STAB2: variants seen among roughly 807,000 people sequenced by gnomAD.
STAB2 encodes stabilin-2.
A neutral mutation model predicts 338.1 loss-of-function variants in STAB2; 288 were observed. That is an observed-to-expected ratio of 0.85 (90% CI 0.77 to 0.94). STAB2 has a LOEUF of 0.94. Ranked by LOEUF, STAB2 falls within the 40% of genes least tolerant of loss-of-function variation. The pLI, the probability that STAB2 is intolerant of heterozygous loss-of-function variation, is 0.00. For missense variants in STAB2, 3,141 were observed against 3,210.1 expected (o/e 0.98, Z 0.52); for synonymous variants, 1,202 against 1,193.3 (o/e 1.01, Z -0.15).
In STAB2 at chr12:103,646,431, C is replaced by T. The variant is rs79953042; in HGVS notation, c.1041-2259C>T. On this transcript the variant is annotated intron_variant, in intron 9 of 68. Coordinates refer to ENST00000388887, the MANE Select transcript of STAB2 (RefSeq NM_017564.10). ...ACCTTCCTCATCATGTCAGCCTTGTCCTTGTCGTTATCATCTGCCAAGCAT... is the reference window on the plus strand; with the variant it reads ...ACCTTCCTCATCATGTCAGCCTTGTTCTTGTCGTTATCATCTGCCAAGCAT... Among the ~76,000 whole-genome samples, 1,039 of 152,306 alleles carry T rather than the reference C, an allele frequency of 6.8e-3. 13 individuals are homozygous for T. Among genetic ancestry groups the T allele is most frequent in the African/African-American group, 0.023 (971 of 41,562 alleles).
chr12:103,593,866 C>G (rs1228650552), intron 2 of STAB2, among the ~76,000 whole-genome samples: 1 of 152,226 alleles, frequency 6.6e-6, no homozygotes, highest in African/African-American at 2.4e-5. Context: ...GCACTAGAAA[C>G]TCTTCTAAGG....
rs1182575681 is a variant in STAB2 at position 103,695,629 on chromosome 12, T to C, written c.3455T>C (p.Ile1152Thr). The change falls in exon 32 of 69, where the codon ATC (isoleucine) becomes ACC (threonine). Residue 1152 changes from isoleucine to threonine, a missense_variant. Physicochemically the swap from Ile to Thr is moderately conservative, Grantham distance 89 (BLOSUM62 -1). Coordinates refer to ENST00000388887, the MANE Select transcript of STAB2 (RefSeq NM_017564.10). ...MRLEQMPDYS[I>T]FRGYIIQYNL... ...CTGGAACAGATGCCTGACTATTCCA[T>C]CTTCCGGGGCTACATCATTGCAAGT... is the stretch of plus-strand genomic sequence containing the variant. The C allele has an allele frequency of 6.2e-7, 1 of 1,614,204 alleles. No homozygotes were observed. The highest frequency in any genetic ancestry group is 1.3e-5 in the African/African-American group (1 of 75,054).
Position 103,733,174 on chromosome 12 carries a change from G to A in STAB2, c.5452G>A (p.Asp1818Asn). ...KEYLKFHVIR[D>N]AKVLAVDLPT... Reference sequence around the variant, plus strand: ...GTATTTGAAGTTTCATGTGATACGAGATGCCAAGGTATTTAGTTTACATGC... The same window carrying A: ...GTATTTGAAGTTTCATGTGATACGAAATGCCAAGGTATTTAGTTTACATGC... Residue 1818 changes from aspartate (D) to asparagine (N), a missense_variant, in exon 51 of 69, where the codon GAT becomes AAT. Coordinates refer to ENST00000388887, the MANE Select transcript of STAB2 (RefSeq NM_017564.10). 4 of 1,614,050 alleles carry A rather than the reference G, an allele frequency of 2.5e-6. No homozygotes were observed. The highest frequency in any genetic ancestry group is 3.4e-6 in the Non-Finnish European group (4 of 1,179,960).
At chr12:103,684,531 T>G (rs1193767126) in intron 26 of STAB2, among the ~76,000 whole-genome samples, 2 of 152,204 alleles carry the variant, frequency 1.3e-5, no homozygotes, top group African/African-American at 4.8e-5. Context: ...ACATTCCAGA[T>G]GTGAGTAGCT....
At position 103,766,307 on chromosome 12, in the gene STAB2, G is replaced by C; in HGVS notation, c.7627G>C (p.Glu2543Gln). 2 of 1,614,058 alleles carry C rather than the reference G, an allele frequency of 1.2e-6. No homozygotes were observed. The highest frequency in any genetic ancestry group is 3.3e-4 in the Middle Eastern group (2 of 6,062). ...PFTDSEERQLEGNDPLRTL is the reference protein window; with the variant it reads ...PFTDSEERQLQGNDPLRTL ...CCAGGACTCTGAAGAACGGCAGCTT[G>C]AGGGCAATGACCCCTTGAGGACACT... The change falls in exon 69 of 69, where the codon GAG becomes CAG. Residue 2543 changes from glutamate (E) to glutamine (Q), a missense_variant. Glu to Gln is a conservative substitution (Grantham distance 29, BLOSUM62 2). Coordinates refer to ENST00000388887, the MANE Select transcript of STAB2 (RefSeq NM_017564.10).
intron 15 of STAB2, 70 bp from the exon 16 acceptor site, chr12:103,660,261 A>C: frequency 6.8e-7 from 1 of 1,460,734 alleles, no homozygotes; most frequent in South Asian, 1.1e-5. Flanking sequence ...CGTCATTTGA[A>C]GAGGATTCCA....
rs1299673129 is a variant in STAB2, at chr12:103,668,764, A to G, written c.2172+35A>G. ...GCGTGGCCGAGGCCCAGTCTAGGCC[A>G]GTAGGGCCAGGCAGCTCCAGGGCCA... On this transcript the variant is annotated intron_variant, in intron 20 of 68. Transcript: ENST00000388887. The G allele has an allele frequency of 2.7e-6, 4 of 1,504,910 alleles. No homozygotes were observed. The African/African-American group carries it at 4.2e-5, about 16-fold the overall frequency. 93.2% of individuals were successfully genotyped at this position (1,504,910 alleles called of 1,614,324 possible).
intron 30 of STAB2, among the ~76,000 whole-genome samples, 198 bp from the exon 31 acceptor site, chr12:103,692,608 TGTGTGC>T (rs1273725903): frequency 4.0e-5 from 6 of 148,866 alleles, no homozygotes; most frequent in Admixed American, 6.8e-5. Context: ...TGTGTGTGTG[TGTGTGC>T]GTGTGCACGT....
intron 66 of STAB2, 131 bp downstream of exon 66, chr12:103,761,541 A>G (rs371957628): frequency 1.3e-6 from 1 of 766,052 alleles, no homozygotes; most frequent in East Asian, 2.7e-5. Flanking sequence ...CCAGCCTCCA[A>G]CCTCCAAGGT....
chr12:103,642,061 C>G (rs1455147836), intron 9 of STAB2, among the ~76,000 whole-genome samples: 1 of 152,172 alleles, frequency 6.6e-6, no homozygotes, highest in Non-Finnish European at 1.5e-5. Flanking sequence ...CTCTACCACT[C>G]CCCCTGGGGT....
chr12:103,731,595 C>A lies in STAB2; in HGVS notation c.5243C>A (p.Ala1748Glu). ...TTGCAGCAAAATCTTACGACTTTGG[C>A]AACAAACAATGGCTACATCAAATTT... ...GRILQNLTTLATNNGYIKFSN... is the reference protein window; with the variant it reads ...GRILQNLTTLETNNGYIKFSN... The change falls in exon 50 of 69, where the codon GCA becomes GAA. Residue 1748 changes from alanine to glutamate, a missense_variant. Physicochemically the swap from Ala to Glu is moderately radical, Grantham distance 107 (BLOSUM62 -1). Transcript: ENST00000388887. The A allele has an allele frequency of 6.2e-7, 1 of 1,613,682 alleles. No homozygotes were observed. Among genetic ancestry groups the A allele is most frequent in the Non-Finnish European group, 8.5e-7 (1 of 1,179,912 alleles).
At chr12:103,612,756 G>A (rs575197679) in intron 3 of STAB2, among the ~76,000 whole-genome samples, 13 of 152,250 alleles carry the variant, frequency 8.5e-5, no homozygotes, top group African/African-American at 3.1e-4. Context: ...GAGGGGGAGA[G>A]GTGCTCTGAT....
chr12:103,589,958 G>A (rs1030604479), intron 1 of STAB2, among the ~76,000 whole-genome samples: 2 of 152,170 alleles, frequency 1.3e-5, no homozygotes, highest in African/African-American at 4.8e-5. Flanking sequence ...ATTCAAGATT[G>A]TACACTTAGC....
intron 1 of STAB2, among the ~76,000 whole-genome samples, chr12:103,590,009 C>T (rs1956771563): frequency 6.6e-6 from 1 of 151,988 alleles, no homozygotes; most frequent in African/African-American, 2.4e-5. Flanking sequence ...CTTTTGATCC[C>T]CAAGTTTAGT....
At chr12:103,702,664 A>G (rs1879003928) in intron 34 of STAB2, among the ~76,000 whole-genome samples, 3 of 152,208 alleles carry the variant, frequency 2.0e-5, no homozygotes, top group African/African-American at 7.2e-5. Flanking sequence ...CACATTAACC[A>G]TGAAGCGGAG....
At chr12:103,716,850 T>C (rs528527446) in intron 43 of STAB2, among the ~76,000 whole-genome samples, 1 of 152,170 alleles carries the variant, frequency 6.6e-6, no homozygotes, top group African/African-American at 2.4e-5. Context: ...TAGGGGGCAG[T>C]AAAGGAGGAT....
rs1336933084 is a variant in STAB2 at position 103,587,560 on chromosome 12, A to G, written c.81+3A>G. 2 of 1,612,530 alleles carry G rather than the reference A, an allele frequency of 1.2e-6. No individual in the cohort carries two copies. Among genetic ancestry groups the G allele is most frequent in the Middle Eastern group, 1.7e-4 (1 of 6,058 alleles). On this transcript the variant is annotated splice_donor_region_variant and intron_variant, in intron 1 of 68. Transcript: ENST00000388887. The stretch of plus-strand genomic sequence containing the variant: ...CCCCAGCTGAAACCACAGGGCAGGT[A>G]AGAGGAGACTTACATATTTTTTTCA...
At chr12:103,622,740 C>T (rs539332223) in intron 5 of STAB2, among the ~76,000 whole-genome samples, 1 of 152,322 alleles carries the variant, frequency 6.6e-6, no homozygotes, top group Admixed American at 6.5e-5. Flanking sequence ...CTGGCATGTG[C>T]AGTCAGCTAC....
chr12:103,672,007 G>A (rs142712495), intron 22 of STAB2, among the ~76,000 whole-genome samples: 1,647 of 152,304 alleles, frequency 0.011, 13 homozygotes, highest in South Asian at 0.032. Flanking sequence ...CCTATAAAAT[G>A]AAGATAATAG....
Sources: gnomAD v4.1 joint callset for allele counts (sites outside exome capture counted in the v4.1 genomes callset) on GRCh38, gnomAD v4.1.1 for gene constraint, MANE v1.5 for transcripts, NCBI Gene and HGNC (gene_info 2026-07-23, HGNC 2026-07-21) for gene names.